Variants in BCAS1 observed in about 807,000 individuals in gnomAD.
BCAS1 encodes breast carcinoma-amplified sequence 1.
Under a neutral mutation model 65.4 loss-of-function variants are expected in BCAS1, and 46 were observed. The observed-to-expected ratio is 0.70, with a 90% CI of 0.55 to 0.90. The LOEUF (loss-of-function observed/expected upper bound fraction) is 0.90. Ranked by LOEUF, BCAS1 falls within the 40% of genes least tolerant of loss-of-function variation. The pLI is 0.00. For missense variants in BCAS1, 793 were observed against 771.2 expected (o/e 1.03, Z -0.33); for synonymous variants, 298 against 293.5 (o/e 1.02, Z -0.16).
intron 4 of BCAS1, among the ~76,000 whole-genome samples, chr20:54,007,935 G>A (rs2091237147): frequency 6.6e-6 from 1 of 152,120 alleles, no homozygotes; most frequent in South Asian, 2.1e-4. Flanking sequence ...TGAATTCCTT[G>A]GGTTTTCTTT....
chr20:53,969,477 TC>T (rs898771758), intron 9 of BCAS1, among the ~76,000 whole-genome samples: 4 of 152,154 alleles, frequency 2.6e-5, no homozygotes, highest in African/African-American at 4.8e-5. Context: ...TATAACATTA[TC>T]CCTATTCTAT....
rs556412020 is a variant in BCAS1, at chr20:54,063,454, C to T, written c.-5-4731G>A. ...TGAAGCCAGTTTCTCCCACAGGTGC[C>T]CGGTAGTGAGACTCTACCGAGGAAT... On this transcript the variant is annotated intron_variant, in intron 1 of 12. Transcript: ENST00000688948. 2.6e-5 allele frequency among the ~76,000 whole-genome samples: 4 copies of T among 152,290 alleles called. No homozygotes were observed. The South Asian group carries it at 6.2e-4, about 24-fold the overall frequency.
At chr20:53,997,125 T>G (rs1254978897) in intron 4 of BCAS1, among the ~76,000 whole-genome samples, 1 of 152,216 alleles carries the variant, frequency 6.6e-6, no homozygotes, top group Non-Finnish European at 1.5e-5. Context: ...CCCTTGCCCT[T>G]TTAAAAATCT....
intron 4 of BCAS1, among the ~76,000 whole-genome samples, chr20:54,006,995 G>A (rs571820228): frequency 2.0e-5 from 3 of 152,134 alleles, no homozygotes; most frequent in Non-Finnish European, 4.4e-5. Context: ...GCAAGGCCAC[G>A]GAGGGTGAGG....
intron 6 of BCAS1, among the ~76,000 whole-genome samples, chr20:53,993,875 T>C (rs1350514852): frequency 2.6e-5 from 4 of 152,238 alleles, no homozygotes; most frequent in African/African-American, 9.6e-5. Context: ...AATGTAGTCA[T>C]GTCATTCAAC....
intron 7 of BCAS1, 69 bp from the exon 8 acceptor site, chr20:53,985,568 CTTT>C: frequency 7.2e-7 from 1 of 1,395,686 alleles, no homozygotes; most frequent in Non-Finnish European, 1.0e-6. Context: ...TGGAAGATCT[CTTT>C]TTAATAAACA....
chr20:54,065,539 G>T (rs546589691), intron 1 of BCAS1, among the ~76,000 whole-genome samples: 1 of 152,192 alleles, frequency 6.6e-6, no homozygotes, highest in Non-Finnish European at 1.5e-5. Flanking sequence ...GCCAAGGACC[G>T]CCCCCTTCCC....
intron 4 of BCAS1, among the ~76,000 whole-genome samples, chr20:54,005,592 C>T (rs2091168353): frequency 6.6e-6 from 1 of 152,202 alleles, no homozygotes; most frequent in Non-Finnish European, 1.5e-5. Context: ...AATGCCAATA[C>T]CCAGATTCCA....
chr20:53,980,500 T>C (rs2090449670), intron 8 of BCAS1, among the ~76,000 whole-genome samples: 1 of 152,240 alleles, frequency 6.6e-6, no homozygotes. Context: ...GGGCCACTCT[T>C]AGGCTATTAT....
rs539023065 is a variant in BCAS1, at chr20:53,987,630, G to A, written c.1063-2131C>T. 1.1e-4 allele frequency among the ~76,000 whole-genome samples: 17 copies of A among 152,272 alleles called. 1 individual carries two copies. Among genetic ancestry groups the A allele is most frequent in the East Asian group, 5.8e-4 (3 of 5,190 alleles). ...AGTGCTGGGGTTACATGTCCTCAAG[G>A]AGAGGATGACAGTAAATAATTCCAC... On this transcript the variant is annotated intron_variant, in intron 7 of 12. Transcript: ENST00000688948.
At chr20:53,948,153 C>T (rs2299738) in intron 12 of BCAS1, among the ~76,000 whole-genome samples, 46,968 of 151,858 alleles carry the variant, frequency 0.31, 7,620 homozygotes, top group South Asian at 0.5. Flanking sequence ...CGTGCCTTGC[C>T]GTGGATCCTG....
chr20:53,977,024 T>C (rs1306918386), intron 8 of BCAS1, among the ~76,000 whole-genome samples: 1 of 152,156 alleles, frequency 6.6e-6, no homozygotes, highest in Non-Finnish European at 1.5e-5. Context: ...TCCACATGGC[T>C]GGGGAGGACT....
intron 4 of BCAS1, among the ~76,000 whole-genome samples, chr20:54,020,574 A>T (rs2091534846): frequency 6.6e-6 from 1 of 152,194 alleles, no homozygotes; most frequent in Non-Finnish European, 1.5e-5. Context: ...GACGTGTACC[A>T]CCCTTATTCT....
At chr20:53,964,887 A>C (rs1382483941) in intron 10 of BCAS1, among the ~76,000 whole-genome samples, 1 of 149,774 alleles carries the variant, frequency 6.7e-6, no homozygotes, top group Non-Finnish European at 1.5e-5. Flanking sequence ...TTTGGAAGAG[A>C]CCATCATTCT....
intron 3 of BCAS1, among the ~76,000 whole-genome samples, chr20:54,047,056 GTCT>G (rs1156268668): frequency 6.6e-6 from 1 of 152,144 alleles, no homozygotes; most frequent in Non-Finnish European, 1.5e-5. Flanking sequence ...TGCCCATGAT[GTCT>G]TCTTTAATCA....
chr20:54,065,180 CTA>C (rs984822572), intron 1 of BCAS1, among the ~76,000 whole-genome samples: 14 of 91,320 alleles, frequency 1.5e-4, no homozygotes, highest in African/African-American at 3.9e-4. Context: ...CTTTATCTAT[CTA>C]TCTCACACAC....
intron 4 of BCAS1, chr20:54,028,184 C>T: frequency 1.7e-6 from 1 of 598,906 alleles, no homozygotes; most frequent in Non-Finnish European, 3.0e-6. Flanking sequence ...AAACAGATGC[C>T]ACAGCTGTTA....
chr20:53,954,297 GA>G (rs1555840866), intron 11 of BCAS1, among the ~76,000 whole-genome samples: 2 of 22,360 alleles, frequency 8.9e-5, no homozygotes, highest in Admixed American at 5.3e-4. Context: ...GAGAAATGGA[GA>G]GAGAGAGAGA....
intron 10 of BCAS1, among the ~76,000 whole-genome samples, chr20:53,964,029 GCTCA>G (rs1312731657): frequency 6.6e-6 from 1 of 152,206 alleles, no homozygotes; most frequent in Non-Finnish European, 1.5e-5. Flanking sequence ...ACCTGTTTAC[GCTCA>G]CTGTTGTATC....
Sources: gnomAD v4.1 joint callset for allele counts (sites outside exome capture counted in the v4.1 genomes callset) on GRCh38, gnomAD v4.1.1 for gene constraint, MANE v1.5 for transcripts, NCBI Gene and HGNC (gene_info 2026-07-23, HGNC 2026-07-21) for gene names.